PAAF1: variants seen among roughly 807,000 people sequenced by gnomAD.
PAAF1 encodes proteasomal ATPase associated factor 1.
PAAF1 carries 46 observed loss-of-function variants against 52.8 expected under a neutral mutation model. The ratio of observed to expected loss-of-function variants is 0.87; its 90% confidence interval spans 0.69 to 1.11. The LOEUF (loss-of-function observed/expected upper bound fraction) is 1.11, where lower values mean the gene tolerates loss of function less well. Among genes scored for constraint, PAAF1 ranks in the 50% most tolerant of loss-of-function variants. The pLI is 0.00. For synonymous variants in PAAF1, 178 were observed against 172.8 expected, an observed-to-expected ratio of 1.03 and a Z score of -0.24; for missense variants, 424 against 477.4, an observed-to-expected ratio of 0.89 and a Z score of 1.04.
intron 6 of PAAF1, among the ~76,000 whole-genome samples, chr11:73,908,403 A>G (rs1337486726): frequency 4.0e-5 from 6 of 148,722 alleles, no homozygotes; most frequent in South Asian, 2.1e-4. Context: ...ATATATGTGT[A>G]TATATATGTG....
At chr11:73,912,506 T>C (rs1023093583) in intron 7 of PAAF1, among the ~76,000 whole-genome samples, 4 of 152,050 alleles carry the variant, frequency 2.6e-5, no homozygotes, top group Admixed American at 2.0e-4. Flanking sequence ...AATTTTTCTA[T>C]TTCTCCCTCT....
intron 1 of PAAF1, 83 bp from the exon 2 acceptor site, chr11:73,878,696 C>T: frequency 2.3e-6 from 3 of 1,284,192 alleles, no homozygotes; most frequent in East Asian, 2.3e-5. Flanking sequence ...CTGGAGGTTA[C>T]ATGACCTTCT....
chr11:73,894,582 G>C (rs1271245986), intron 4 of PAAF1, among the ~76,000 whole-genome samples: 1 of 151,820 alleles, frequency 6.6e-6, no homozygotes, highest in African/African-American at 2.4e-5. Flanking sequence ...GTATACATAT[G>C]TAACTAACCT....
intron 9 of PAAF1, among the ~76,000 whole-genome samples, chr11:73,918,050 T>A (rs1950111900): frequency 2.6e-5 from 4 of 151,910 alleles, no homozygotes; most frequent in African/African-American, 9.7e-5. Context: ...TCCAAGGAAA[T>A]GAGAAACATT....
rs1950409646 is a variant in PAAF1 at position 73,928,318 on chromosome 11, C to T, written c.*956C>T. On this transcript the variant is annotated 3_prime_UTR_variant, in exon 12 of 12. Transcript: ENST00000310571. ...AAGATCGGTCTGTAGGAGATGAGGC[C>T]ACAGAGGTTGGCAGAGCCCAAATAG... 6.6e-6 allele frequency: 1 copy of T among 152,146 alleles called. No individual in the cohort carries two copies. The highest frequency in any genetic ancestry group is 6.5e-5 in the Admixed American group (1 of 15,272). 9.4% of individuals were successfully genotyped at this position (152,146 alleles called of 1,614,324 possible). A position where few individuals can be genotyped will look rare whatever the true frequency, so the allele number is the denominator to read the frequency against.
rs754315940 is a variant in PAAF1 at position 73,878,811 on chromosome 11, A to G, written c.80A>G (p.His27Arg). The G allele has an allele frequency of 8.1e-6, 13 of 1,613,822 alleles. No individual in the cohort carries two copies. The highest frequency in any genetic ancestry group is 1.1e-5 in the Non-Finnish European group (13 of 1,179,814). ...GAAGGGGAGGCCTGGCTGAGCTGTC[A>G]TCCCCCAGGTAATACCCATGAATTA... ...KDEGEAWLSC[H>R]PPGKPSLYGS... The change falls in exon 2 of 12, where the codon CAT becomes CGT. Residue 27 changes from histidine (H) to arginine (R), a missense_variant. His to Arg is a conservative substitution (Grantham distance 29). Transcript: ENST00000310571.
At chr11:73,917,089 C>A (rs1184862195) in intron 9 of PAAF1, among the ~76,000 whole-genome samples, 1 of 152,132 alleles carries the variant, frequency 6.6e-6, no homozygotes, top group African/African-American at 2.4e-5. Flanking sequence ...GGTGCTATCT[C>A]GGCTTACTGC....
chr11:73,881,150 A>G (rs7105293), intron 2 of PAAF1, among the ~76,000 whole-genome samples: 59,826 of 152,094 alleles, frequency 0.39, 13,764 homozygotes, highest in African/African-American at 0.65. Context: ...AACTGTAACC[A>G]AAAGGCACAG....
At chr11:73,880,480 G>T in intron 2 of PAAF1, 1 of 133,248 alleles carries the variant, frequency 7.5e-6, no homozygotes, top group East Asian at 2.3e-4. Context: ...CCCTGTCTCA[G>T]TTAAAAAAAA....
chr11:73,921,375 A>C (rs1194937160), intron 10 of PAAF1, among the ~76,000 whole-genome samples: 2 of 149,022 alleles, frequency 1.3e-5, no homozygotes, highest in East Asian at 3.9e-4. Flanking sequence ...GAGCTGACTC[A>C]TGGTTCTACT....
intron 2 of PAAF1, among the ~76,000 whole-genome samples, chr11:73,882,613 AT>A (rs1175464972): frequency 1.3e-5 from 2 of 149,368 alleles, no homozygotes; most frequent in Admixed American, 1.3e-4. Context: ...CGCCTGGCTA[AT>A]TTTTTTGAGA....
intron 4 of PAAF1, among the ~76,000 whole-genome samples, chr11:73,894,590 C>G: frequency 6.6e-6 from 1 of 151,856 alleles, no homozygotes; most frequent in Non-Finnish European, 1.5e-5. Context: ...ATGTAACTAA[C>G]CTGCACATTG....
chr11:73,901,973 T>C (rs765672458), intron 6 of PAAF1, among the ~76,000 whole-genome samples: 24 of 151,588 alleles, frequency 1.6e-4, no homozygotes, highest in Non-Finnish European at 1.5e-4. Flanking sequence ...ATGCGATCCT[T>C]GTGCCTCAGC....
At position 73,924,599 on chromosome 11, in the gene PAAF1, T is replaced by G; in HGVS notation, c.1019-16T>G. ...AGTTTTCTCTTAGTTATATGAATTTTCTTTCTGCCTTTCAGGTGATGGAAG... is the reference window on the plus strand; with the variant it reads ...AGTTTTCTCTTAGTTATATGAATTTGCTTTCTGCCTTTCAGGTGATGGAAG... On this transcript the variant is annotated splice_polypyrimidine_tract_variant and intron_variant, in intron 10 of 11. Transcript: ENST00000310571. 1 of 1,608,656 alleles carries G rather than the reference T, an allele frequency of 6.2e-7. No homozygotes were observed. Among genetic ancestry groups the G allele is most frequent in the Non-Finnish European group, 8.5e-7 (1 of 1,175,298 alleles).
chr11:73,885,582 C>G (rs1591046601), intron 2 of PAAF1, among the ~76,000 whole-genome samples: 1 of 151,644 alleles, frequency 6.6e-6, no homozygotes, highest in East Asian at 2.0e-4. Context: ...TGGCTCACAC[C>G]TGTAATCCCA....
intron 10 of PAAF1, among the ~76,000 whole-genome samples, chr11:73,920,278 A>G (rs1370705995): frequency 6.6e-6 from 1 of 152,168 alleles, no homozygotes; most frequent in Non-Finnish European, 1.5e-5. Flanking sequence ...TCATGCCTAT[A>G]ATCCCAGCAT....
intron 2 of PAAF1, among the ~76,000 whole-genome samples, chr11:73,882,417 G>A (rs1216149421): frequency 6.6e-6 from 1 of 150,630 alleles, no homozygotes; most frequent in Non-Finnish European, 1.5e-5. Flanking sequence ...GTTTCTGTGT[G>A]TGTTTATTTT....
chr11:73,894,158 C>T (rs35766780), intron 4 of PAAF1, among the ~76,000 whole-genome samples: 26 of 152,090 alleles, frequency 1.7e-4, no homozygotes, highest in African/African-American at 6.3e-4. Context: ...GGCAATTCAC[C>T]TCTTGGGAGA....
intron 2 of PAAF1, among the ~76,000 whole-genome samples, chr11:73,884,114 G>A (rs1226597110): frequency 6.6e-6 from 1 of 152,138 alleles, no homozygotes; most frequent in East Asian, 1.9e-4. Context: ...CAGCCTGCAT[G>A]TAGGAATGTA....
Sources: gnomAD v4.1 joint callset for allele counts (sites outside exome capture counted in the v4.1 genomes callset) on GRCh38, gnomAD v4.1.1 for gene constraint, MANE v1.5 for transcripts, NCBI Gene and HGNC (gene_info 2026-07-23, HGNC 2026-07-21) for gene names.